Variants in DYNC2I2 observed in about 807,000 individuals in gnomAD.
DYNC2I2 encodes cytoplasmic dynein 2 intermediate chain 2.
DYNC2I2 carries 39 observed loss-of-function variants against 52.0 expected under a neutral mutation model. The observed-to-expected ratio is 0.75, with a 90% CI of 0.58 to 0.98. The LOEUF is 0.98. Among genes scored for constraint, DYNC2I2 ranks in the 50% least tolerant of loss-of-function variants. The pLI is 0.00. For missense variants in DYNC2I2, 743 were observed against 728.4 expected, an observed-to-expected ratio of 1.02 and a Z score of -0.23; for synonymous variants, 359 against 321.1, an observed-to-expected ratio of 1.12 and a Z score of -1.26.
chr9:128,641,435 G>C (rs1860512610), intron 1 of DYNC2I2, among the ~76,000 whole-genome samples: 1 of 152,104 alleles, frequency 6.6e-6, no homozygotes, highest in African/African-American at 2.4e-5. Context: ...ACTATGAGCT[G>C]CTAGGTGGGA....
chr9:128,676,850 T>TC, the DYNC2I2 span, among the ~76,000 whole-genome samples: 38 of 137,814 alleles, frequency 2.8e-4, no homozygotes, highest in African/African-American at 1.0e-3. Context: ...TTTTTTTTTT[T>TC]GTTTTGTTTT....
At position 128,639,460 on chromosome 9, in the gene DYNC2I2, C is replaced by T. The variant is rs574001224; in HGVS notation, c.435+1231G>A. On this transcript the variant is annotated intron_variant, in intron 2 of 8. Transcript: ENST00000372715. ...TCATCTCAAACCCAATACTGTCTGC[C>T]CAACTGCCCATCAGCATTTACAGGG... is the stretch of plus-strand genomic sequence containing the variant. Among the ~76,000 whole-genome samples the T allele has an allele frequency of 3.3e-5, 5 of 152,028 alleles. No individual in the cohort carries two copies. The South Asian group carries it at 1.0e-3, about 32-fold the overall frequency.
the DYNC2I2 span, among the ~76,000 whole-genome samples, chr9:128,665,877 C>G: frequency 5.3e-5 from 8 of 150,686 alleles, no homozygotes; most frequent in East Asian, 1.6e-3. Flanking sequence ...TCAACACCAC[C>G]CTGACCAACA....
intron 1 of DYNC2I2, among the ~76,000 whole-genome samples, chr9:128,643,885 C>CG (rs1478448920): frequency 6.6e-6 from 1 of 152,116 alleles, no homozygotes; most frequent in African/African-American, 2.4e-5. Context: ...CAAGTATTCC[C>CG]GGGGGAGGTC....
chr9:128,636,944 G>A lies in DYNC2I2; in HGVS notation c.519C>T (p.Gly173=), dbSNP rs746404159. ...GGCCGTAGGCACAGGCCACCACAGA[G>A]CCAGTGGAGTTCCAGGAGATGCTGG... ...HVTSISWNST[G]SVVACAYGRL... The change falls in exon 3 of 9, where the codon GGC becomes GGT. Residue 173 remains glycine, a synonymous_variant. Coordinates refer to ENST00000372715, the MANE Select transcript of DYNC2I2 (RefSeq NM_052844.4). 5 of 1,612,958 alleles carry A rather than the reference G, an allele frequency of 3.1e-6. No homozygotes were observed. The highest frequency in any genetic ancestry group is 2.2e-5 in the South Asian group (2 of 91,070).
the DYNC2I2 span, among the ~76,000 whole-genome samples, chr9:128,662,532 T>C: frequency 6.6e-6 from 1 of 151,796 alleles, no homozygotes; most frequent in South Asian, 2.1e-4. Flanking sequence ...TGCCTCAGCC[T>C]CCCGAGTAGC....
rs1374050633 is a variant in DYNC2I2, at chr9:128,634,067, C to T, written c.1373-85G>A. On this transcript the variant is annotated intron_variant, in intron 8 of 8. Coordinates refer to ENST00000372715, the MANE Select transcript of DYNC2I2 (RefSeq NM_052844.4). ...GAGGAGGCTAATGCCCGGGTTCAAT[C>T]CTGTTGTGTGCAGCCACAGTGGCTT... is the stretch of plus-strand genomic sequence containing the variant. 1.4e-5 allele frequency: 22 copies of T among 1,566,378 alleles called. No individual in the cohort carries two copies. In the South Asian group the frequency reaches 2.2e-4, roughly 16 times the overall value.
chr9:128,658,500 C>T (rs1860879420), upstream of DYNC2I2, among the ~76,000 whole-genome samples: 1 of 151,222 alleles, frequency 6.6e-6, no homozygotes, highest in East Asian at 1.9e-4. Flanking sequence ...CTCGCTTTGT[C>T]GTCCAGGCTG....
At chr9:128,674,488 A>T in the DYNC2I2 span, among the ~76,000 whole-genome samples, 1 of 149,664 alleles carries the variant, frequency 6.7e-6, no homozygotes, top group Non-Finnish European at 1.5e-5. Context: ...TCACGCCTGT[A>T]ATCCCAGCAC....
the DYNC2I2 span, among the ~76,000 whole-genome samples, chr9:128,671,025 C>T: frequency 1.3e-5 from 2 of 148,428 alleles, no homozygotes; most frequent in African/African-American, 5.0e-5. Flanking sequence ...CCAGATTGCA[C>T]CATTGCACTC....
the DYNC2I2 span, among the ~76,000 whole-genome samples, chr9:128,679,987 A>G: frequency 1.3e-5 from 2 of 151,812 alleles, no homozygotes; most frequent in African/African-American, 4.8e-5. Flanking sequence ...TCTTCCACAT[A>G]CCCTTATACC....
rs564750548 is a variant in DYNC2I2 at position 128,656,718 on chromosome 9, G to A, written c.9C>T (p.Thr3=). MA[T]RAQPGPLSQA... ...GGCTGAGTGGCCCCGGCTGCGCGCG[G>A]GTTGCCATGGAGACGGTTCCGCCCT... The change falls in exon 1 of 9, where the codon ACC becomes ACT. Residue 3 remains threonine (T), a synonymous_variant. Transcript: ENST00000372715. The A allele has an allele frequency of 7.0e-6, 10 of 1,422,434 alleles. No individual in the cohort carries two copies. The African/African-American group carries it at 1.3e-4, about 19-fold the overall frequency. The allele number at this position is 1,422,434 out of a possible 1,614,324, so 88.1% of individuals were successfully genotyped here.
At chr9:128,670,628 C>T in the DYNC2I2 span, among the ~76,000 whole-genome samples, 4 of 151,522 alleles carry the variant, frequency 2.6e-5, no homozygotes, top group Admixed American at 6.6e-5. Context: ...CCCAGCTATT[C>T]GGGAAGCTGA....
At chr9:128,666,163 G>A in the DYNC2I2 span, among the ~76,000 whole-genome samples, 2 of 151,732 alleles carry the variant, frequency 1.3e-5, no homozygotes, top group Non-Finnish European at 2.9e-5. Context: ...ATCACTTGAG[G>A]TCAGCAGTTC....
chr9:128,674,942 T>C, the DYNC2I2 span, among the ~76,000 whole-genome samples: 1 of 151,848 alleles, frequency 6.6e-6, no homozygotes, highest in African/African-American at 2.4e-5. Flanking sequence ...GAAAGAGAAA[T>C]GTCTGTGGTA....
chr9:128,653,123 G>A (rs1273513334), intron 1 of DYNC2I2, among the ~76,000 whole-genome samples: 2 of 149,666 alleles, frequency 1.3e-5, no homozygotes, highest in Non-Finnish European at 2.9e-5. Flanking sequence ...CAGCTACTCA[G>A]GAAGCTGAGG....
intron 4 of DYNC2I2, 182 bp from the exon 5 acceptor site, chr9:128,635,949 G>GGAAGTCATCCCCACAGAGGGAGAGTCCT: frequency 1.5e-6 from 1 of 682,022 alleles, no homozygotes; most frequent in Non-Finnish European, 2.6e-6. Flanking sequence ...GTACCCCAGG[G>GGAAGTCATCCCCACAGAGGGAGAGTCCT]AGCTTTGCCG....
chr9:128,672,840 TG>T, the DYNC2I2 span, among the ~76,000 whole-genome samples: 11 of 152,040 alleles, frequency 7.2e-5, no homozygotes, highest in African/African-American at 2.7e-4. Flanking sequence ...CTGGCTAACA[TG>T]GTGAAACCCC....
At chr9:128,671,160 G>A in the DYNC2I2 span, among the ~76,000 whole-genome samples, 1 of 151,964 alleles carries the variant, frequency 6.6e-6, no homozygotes, top group South Asian at 2.1e-4. Flanking sequence ...ACTTCGGCTG[G>A]GCACAGTGAT....
Sources: gnomAD v4.1 joint callset for allele counts (sites outside exome capture counted in the v4.1 genomes callset) on GRCh38, gnomAD v4.1.1 for gene constraint, MANE v1.5 for transcripts, NCBI Gene and HGNC (gene_info 2026-07-23, HGNC 2026-07-21) for gene names.